Variants in ERC1 observed in about 807,000 individuals in gnomAD.
ERC1 encodes the protein ELKS/RAB6-interacting/CAST family member 1.
A neutral mutation model predicts 132.0 loss-of-function variants in ERC1; 56 were observed. That is an observed-to-expected ratio of 0.42 (90% confidence interval 0.34 to 0.53). The LOEUF is 0.53. ERC1 is among the 20% of genes least tolerant of loss of function. The pLI is 0.03. For missense variants in ERC1, 1,202 were observed against 1,349.9 expected (o/e 0.89, Z 1.72); for synonymous variants, 478 against 476.1 (o/e 1.00, Z -0.05).
chr12:1,296,118 G>C (rs906497816), intron 15 of ERC1, among the ~76,000 whole-genome samples: 1 of 151,476 alleles, frequency 6.6e-6, no homozygotes, highest in Non-Finnish European at 1.5e-5. Flanking sequence ...GAAAGGAAAA[G>C]TATTTTAAAA....
At chr12:1,183,219 A>T (rs1954678081) in intron 10 of ERC1, 62 bp from the exon 11 acceptor site, 2 of 1,161,786 alleles carry the variant, frequency 1.7e-6, no homozygotes, top group East Asian at 2.8e-5. Context: ...TGATAAATTT[A>T]AAAATTTAAA....
At chr12:1,392,199 TCATGGCTG>T (rs1269935173) in intron 16 of ERC1, among the ~76,000 whole-genome samples, 5 of 152,150 alleles carry the variant, frequency 3.3e-5, no homozygotes, top group South Asian at 2.1e-4. Flanking sequence ...AGAAGAAACG[TCATGGCTG>T]GGGGATTCTT....
At chr12:1,459,991 GAATT>G (rs1328737229) in intron 18 of ERC1, among the ~76,000 whole-genome samples, 3 of 152,190 alleles carry the variant, frequency 2.0e-5, no homozygotes, top group Non-Finnish European at 4.4e-5. Flanking sequence ...TCAAGATAGA[GAATT>G]AATTAATGAA....
Position 1,493,540 on chromosome 12 carries a change from A to ATATATATATATAT in ERC1, c.*3310_*3311insTATATATATATAT, listed in dbSNP as rs59708005. The ATATATATATATAT allele has an allele frequency of 1.3e-4, 3 of 22,390 alleles. No homozygotes were observed. The highest frequency in any genetic ancestry group is 2.0e-4 in the Non-Finnish European group (2 of 10,138). 1.4% of individuals were successfully genotyped at this position (22,390 alleles called of 1,614,324 possible). A position where few individuals can be genotyped will look rare whatever the true frequency, so the allele number is the denominator to read the frequency against. On this transcript the variant is annotated 3_prime_UTR_variant, in exon 19 of 19. Transcript: ENST00000360905. ...TGACAGAGACTCCATTTAAAAAAAA[A>ATATATATATATAT]AAAAAAAAATATATATATATATATA...
chr12:1,382,062 T>C (rs1036629748), intron 16 of ERC1, among the ~76,000 whole-genome samples: 4 of 152,218 alleles, frequency 2.6e-5, no homozygotes, highest in African/African-American at 9.6e-5. Context: ...ACCATTCCTG[T>C]CTTGTTTTCC....
chr12:1,041,578 G>C (rs1254602390), intron 2 of ERC1, among the ~76,000 whole-genome samples: 1 of 152,216 alleles, frequency 6.6e-6, no homozygotes, highest in Non-Finnish European at 1.5e-5. Context: ...TCTGCCTCTT[G>C]TAAGAGGCTG....
At chr12:1,222,567 A>G (rs570507502) in intron 12 of ERC1, among the ~76,000 whole-genome samples, 24 of 152,336 alleles carry the variant, frequency 1.6e-4, no homozygotes, top group African/African-American at 5.8e-4. Flanking sequence ...TATATGTAAT[A>G]TACACAGTGC....
intron 3 of ERC1, among the ~76,000 whole-genome samples, chr12:1,093,424 T>C (rs1943506711): frequency 2.0e-5 from 3 of 152,208 alleles, no homozygotes; most frequent in African/African-American, 7.2e-5. Context: ...GATTCTGTTA[T>C]ACACCAACAT....
Position 1,494,273 on chromosome 12 carries a change from G to A in ERC1, c.*4043G>A. The A allele has an allele frequency of 1.3e-5, 3 of 232,120 alleles. No individual in the cohort carries two copies. Among genetic ancestry groups the A allele is most frequent in the Non-Finnish European group, 2.6e-5 (3 of 117,316 alleles). 14.4% of individuals were successfully genotyped at this position (232,120 alleles called of 1,614,324 possible). The stretch of plus-strand genomic sequence containing the variant: ...CAGCAGGCACCCTCTGCAGAGTGAG[G>A]CCGCCCGTCCATCACTGCCAGCCCT... On this transcript the variant is annotated 3_prime_UTR_variant, in exon 19 of 19. Coordinates refer to ENST00000360905, the MANE Select transcript of ERC1 (RefSeq NM_178040.4).
chr12:1,275,424 G>A (rs1473730535), intron 14 of ERC1, among the ~76,000 whole-genome samples: 1 of 152,208 alleles, frequency 6.6e-6, no homozygotes, highest in Non-Finnish European at 1.5e-5. Context: ...GGAGGCAGAG[G>A]TTGCAGTGAG....
chr12:1,441,067 T>G (rs997878765), intron 17 of ERC1, among the ~76,000 whole-genome samples: 1 of 152,074 alleles, frequency 6.6e-6, no homozygotes, highest in Non-Finnish European at 1.5e-5. Context: ...TTGAAAATTT[T>G]TTTTTTTTTT....
chr12:1,173,086 G>A (rs1953259477), intron 8 of ERC1, among the ~76,000 whole-genome samples: 1 of 152,170 alleles, frequency 6.6e-6, no homozygotes, highest in Admixed American at 6.5e-5. Flanking sequence ...TACATTTTAA[G>A]TACATGATCG....
chr12:1,261,088 C>A (rs1483967367), intron 13 of ERC1, among the ~76,000 whole-genome samples: 1 of 152,160 alleles, frequency 6.6e-6, no homozygotes, highest in Non-Finnish European at 1.5e-5. Context: ...GATTACTAAT[C>A]ATTTTCTCCC....
intron 1 of ERC1, among the ~76,000 whole-genome samples, chr12:1,002,213 G>A (rs575446226): frequency 6.1e-4 from 66 of 108,486 alleles, no homozygotes; most frequent in Admixed American, 1.0e-3. Context: ...TCACTCTGTC[G>A]CCCAGACTGG....
Position 1,490,282 on chromosome 12 carries a change from G to C in ERC1, c.*52G>C, listed in dbSNP as rs1460476114. The stretch of plus-strand genomic sequence containing the variant: ...AGTCAACCCAGGAGCCAAGAAAAGA[G>C]AACTACGAGGAACAGGTGCCCGGAA... On this transcript the variant is annotated 3_prime_UTR_variant, in exon 19 of 19. Coordinates refer to ENST00000360905, the MANE Select transcript of ERC1 (RefSeq NM_178040.4). 2 of 1,569,930 alleles carry C rather than the reference G, an allele frequency of 1.3e-6. No individual in the cohort carries two copies. Among genetic ancestry groups the C allele is most frequent in the Non-Finnish European group, 8.7e-7 (1 of 1,152,098 alleles).
intron 8 of ERC1, among the ~76,000 whole-genome samples, chr12:1,166,904 G>A (rs964463099): frequency 2.6e-5 from 4 of 152,068 alleles, no homozygotes; most frequent in Non-Finnish European, 4.4e-5. Context: ...ATATGCAAAG[G>A]CTTATATTGT....
chr12:1,152,622 T>A (rs986795637), intron 8 of ERC1: 1 of 152,626 alleles, frequency 6.6e-6, no homozygotes, highest in Non-Finnish European at 1.5e-5. Context: ...AGAAGAGCAC[T>A]GGGATAGAGA....
chr12:1,051,720 T>G (rs1169782945), intron 2 of ERC1, among the ~76,000 whole-genome samples: 1 of 151,992 alleles, frequency 6.6e-6, no homozygotes, highest in Non-Finnish European at 1.5e-5. Flanking sequence ...CCCTGTCTCT[T>G]ATAACAAGAA....
rs1317881534 is a variant in ERC1 at position 1,493,527 on chromosome 12, C to T, written c.*3297C>T. On this transcript the variant is annotated 3_prime_UTR_variant, in exon 19 of 19. Coordinates refer to ENST00000360905, the MANE Select transcript of ERC1 (RefSeq NM_178040.4). ...ACTCCAGCCTGGGTGACAGAGACTCCATTTAAAAAAAAAAAAAAAAAATAT... is the reference window on the plus strand; with the variant it reads ...ACTCCAGCCTGGGTGACAGAGACTCTATTTAAAAAAAAAAAAAAAAAATAT... 3.1e-5 allele frequency: 1 copy of T among 31,784 alleles called. No homozygotes were observed. The highest frequency in any genetic ancestry group is 6.6e-5 in the Non-Finnish European group (1 of 15,216). 2.0% of individuals were successfully genotyped at this position (31,784 alleles called of 1,614,324 possible).
Sources: allele counts gnomAD v4.1 joint callset (sites outside exome capture counted in the v4.1 genomes callset), GRCh38; gene constraint gnomAD v4.1.1; transcripts MANE v1.5; gene names NCBI Gene and HGNC (gene_info 2026-07-23, HGNC 2026-07-21).